Variants in ALOX15B observed in about 807,000 individuals in gnomAD.
ALOX15B encodes arachidonate 15-lipoxygenase type B, also known as polyunsaturated fatty acid lipoxygenase ALOX15B.
In ALOX15B, 74 loss-of-function variants were observed where a neutral mutation model predicts 73.8. The observed-to-expected ratio is 1.00, with a 90% confidence interval of 0.83 to 1.22. The LOEUF is 1.22. Among genes scored for constraint, ALOX15B ranks in the 50% most tolerant of loss-of-function variants. ALOX15B has a pLI of 0.00. For missense variants in ALOX15B, 896 were observed against 859.9 expected, an observed-to-expected ratio of 1.04 and a Z score of -0.52; for synonymous variants, 353 against 357.2, an observed-to-expected ratio of 0.99 and a Z score of 0.13.
chr17:8,045,085 C>T (rs1194001746), intron 6 of ALOX15B, 84 bp downstream of exon 6: 11 of 1,590,002 alleles, frequency 6.9e-6, no homozygotes, highest in Non-Finnish European at 9.4e-6. Flanking sequence ...GAGGGGCACA[C>T]TCACATTTGT....
chr17:8,039,193 C>T lies in ALOX15B; in HGVS notation c.38C>T (p.Ala13Val). Residue 13 changes from alanine (A) to valine (V), a missense_variant, in exon 1 of 14, where the codon GCC (alanine) becomes GTC (valine). Ala to Val is a moderately conservative substitution (Grantham distance 64). Coordinates refer to ENST00000380183, the MANE Select transcript of ALOX15B (RefSeq NM_001141.3). ...AGGGTCAGGGTGTCCACCGGAGAAG[C>T]CTTCGGGGCTGGCACATGGGACAAA... ...EFRVRVSTGE[A>V]FGAGTWDKVS... 3.7e-6 allele frequency: 6 copies of T among 1,613,210 alleles called. No individual in the cohort carries two copies. The highest frequency in any genetic ancestry group is 5.1e-6 in the Non-Finnish European group (6 of 1,179,604).
chr17:8,048,533 C>T lies in ALOX15B; in HGVS notation c.1999C>T (p.Pro667Ser), dbSNP rs535418281. The T allele has an allele frequency of 1.5e-5, 25 of 1,613,944 alleles. No homozygotes were observed. The South Asian group carries it at 2.5e-4, about 16-fold the overall frequency. Reference sequence around the variant, plus strand: ...GGTGCTGCCCTACACCTACCTAGACCCTCCCCTCATCGAGAACAGCGTCTC... The same window carrying T: ...GGTGCTGCCCTACACCTACCTAGACTCTCCCCTCATCGAGAACAGCGTCTC... ...GLVLPYTYLDPPLIENSVSI is the reference protein window; with the variant it reads ...GLVLPYTYLDSPLIENSVSI The change falls in exon 14 of 14, where the codon CCT becomes TCT. Residue 667 changes from proline to serine, a missense_variant. Physicochemically the swap from Pro to Ser is moderately conservative, Grantham distance 74. Transcript: ENST00000380183.
At chr17:8,045,068 G>T in intron 6 of ALOX15B, 67 bp downstream of exon 6, 1 of 1,595,836 alleles carries the variant, frequency 6.3e-7, no homozygotes, top group Non-Finnish European at 8.6e-7. Flanking sequence ...GTCCCCTACT[G>T]GAGACAGAGG....
rs1323756895 is a variant in ALOX15B at position 8,045,591 on chromosome 17, G to A, written c.1105G>A (p.Glu369Lys). 3 of 1,614,142 alleles carry A rather than the reference G, an allele frequency of 1.9e-6. No homozygotes were observed. The highest frequency in any genetic ancestry group is 1.1e-5 in the South Asian group (1 of 91,076). The part of the protein sequence containing the change: ...WVRNAEFSFH[E>K]ALTHLLHSHL... ...GCGCAATGCCGAGTTCTCCTTCCAT[G>A]AGGCCCTCACGCACCTGCTGCACTC... The change falls in exon 8 of 14, where the codon GAG becomes AAG. Residue 369 changes from glutamate to lysine, a missense_variant. By Grantham distance (56) the Glu-to-Lys change is moderately conservative. Transcript: ENST00000380183.
rs1423334842 is a variant in ALOX15B at position 8,045,734 on chromosome 17, C to T, written c.1200+48C>T. On this transcript the variant is annotated intron_variant, in intron 8 of 13. Coordinates refer to ENST00000380183, the MANE Select transcript of ALOX15B (RefSeq NM_001141.3). The stretch of plus-strand genomic sequence containing the variant: ...CCAGCCTGTGCCCATGCCTCTGTGC[C>T]TCTTCTAAGCAGCCTTTCCTCACAT... 1.9e-6 allele frequency: 3 copies of T among 1,588,954 alleles called. No homozygotes were observed. The Admixed American group carries it at 5.2e-5, about 27-fold the overall frequency.
In ALOX15B at chr17:8,047,636, C is replaced by T. The variant is rs759995694; in HGVS notation, c.1652C>T (p.Ala551Val). ...YVTMVIFTCS[A>V]KHAAVSAGQF... ...ACCATGGTGATATTCACCTGCTCCGCCAAGCATGCGGCTGTCAGTGCAGGG... is the reference window on the plus strand; with the variant it reads ...ACCATGGTGATATTCACCTGCTCCGTCAAGCATGCGGCTGTCAGTGCAGGG... The change falls in exon 12 of 14, where the codon GCC becomes GTC. Residue 551 changes from alanine to valine, a missense_variant. By Grantham distance (64) the Ala-to-Val change is moderately conservative. Transcript: ENST00000380183. The T allele has an allele frequency of 6.2e-7, 1 of 1,611,620 alleles. No homozygotes were observed. The highest frequency in any genetic ancestry group is 8.5e-7 in the Non-Finnish European group (1 of 1,178,892).
intron 3 of ALOX15B, among the ~76,000 whole-genome samples, chr17:8,040,635 G>GAAAGAAAGAAAGAAAGAAAT (rs1567969621): frequency 3.8e-5 from 5 of 131,060 alleles, no homozygotes; most frequent in African/African-American, 1.3e-4. Context: ...AAGAAAGAAA[G>GAAAGAAAGAAAGAAAGAAAT]AAAGAAAGAA....
At chr17:8,043,608 G>C (rs564464768) in intron 5 of ALOX15B, among the ~76,000 whole-genome samples, 1 of 152,300 alleles carries the variant, frequency 6.6e-6, no homozygotes, top group East Asian at 1.9e-4. Context: ...GCACTGCTGG[G>C]GGGCAAGAGA....
Position 8,047,634 on chromosome 17 carries a change from C to T in ALOX15B, c.1650C>T (p.Ser550=), listed in dbSNP as rs9898751. Residue 550 remains serine (S), a synonymous_variant, in exon 12 of 14, where the codon TCC becomes TCT. Coordinates refer to ENST00000380183, the MANE Select transcript of ALOX15B (RefSeq NM_001141.3). ...QYVTMVIFTC[S]AKHAAVSAGQ... ...TCACCATGGTGATATTCACCTGCTC[C>T]GCCAAGCATGCGGCTGTCAGTGCAG... The T allele has an allele frequency of 3.1e-6, 5 of 1,609,834 alleles. No homozygotes were observed. The highest frequency in any genetic ancestry group is 1.7e-4 in the Middle Eastern group (1 of 6,054).
rs1369496045 is a variant in ALOX15B at position 8,047,035 on chromosome 17, C to G, written c.1416C>G (p.Tyr472Ter). The change falls in exon 10 of 14, where the codon TAC (tyrosine) becomes TAG (stop). Residue 472 changes from tyrosine to a stop codon, truncating the protein, a stop_gained. Coordinates refer to ENST00000380183, the MANE Select transcript of ALOX15B (RefSeq NM_001141.3). LOFTEE classifies it high-confidence loss of function. ...GAGTTGAAGACATCCCAGGCTACTA[C>G]TACCGTGATGATGGGATGCAGATCT... is the stretch of plus-strand genomic sequence containing the variant. ...TRGVEDIPGY[Y>*]YRDDGMQIWG... is the part of the protein sequence containing the mutation. The G allele has an allele frequency of 1.2e-6, 2 of 1,613,914 alleles. No individual in the cohort carries two copies. Among genetic ancestry groups the G allele is most frequent in the African/African-American group, 2.7e-5 (2 of 74,898 alleles).
At position 8,039,474 on chromosome 17, in the gene ALOX15B, T is replaced by TG; in HGVS notation, c.240dup (p.Pro81AlafsTer84). The TG allele has an allele frequency of 1.3e-6, 2 of 1,595,282 alleles. No individual in the cohort carries two copies. Among genetic ancestry groups the TG allele is most frequent in the Middle Eastern group, 1.7e-4 (1 of 5,898 alleles). On this transcript the variant is annotated frameshift_variant, in exon 2 of 14. Coordinates refer to ENST00000380183, the MANE Select transcript of ALOX15B (RefSeq NM_001141.3). LOFTEE classifies it high-confidence loss of function. ...AAGGCGCCCCCAGTGCTGCCCCTGC[T>TG]GGGGCCCCTGGCCCCGGATGCCTGG... is the stretch of plus-strand genomic sequence containing the variant.
Position 8,048,744 on chromosome 17 carries a change from A to G in ALOX15B, c.*179A>G. The G allele has an allele frequency of 4.9e-6, 3 of 614,872 alleles. No individual in the cohort carries two copies. Among genetic ancestry groups the G allele is most frequent in the South Asian group, 3.0e-5 (1 of 32,876 alleles). 38.1% of individuals were successfully genotyped at this position (614,872 alleles called of 1,614,324 possible). ...CACACACAAAAACAGAAACAAAATC[A>G]AAACAGAGAAAGCAGAAAATCTACC... On this transcript the variant is annotated 3_prime_UTR_variant, in exon 14 of 14. Coordinates refer to ENST00000380183, the MANE Select transcript of ALOX15B (RefSeq NM_001141.3).
At position 8,047,276 on chromosome 17, in the gene ALOX15B, C is replaced by G. The variant is rs565302907; in HGVS notation, c.1476C>G (p.Ile492Met). The part of the protein sequence containing the change: ...GAVERFVSEI[I>M]GIYYPSDESV... ...ATTGCAGCTTTGTCTCTGAAATCATCGGTATCTACTACCCAAGTGATGAGT... is the reference window on the plus strand; with the variant it reads ...ATTGCAGCTTTGTCTCTGAAATCATGGGTATCTACTACCCAAGTGATGAGT... Residue 492 changes from isoleucine (I) to methionine (M), a missense_variant, in exon 11 of 14, where the codon ATC becomes ATG. Physicochemically the swap from Ile to Met is conservative, Grantham distance 10 (BLOSUM62 1). Transcript: ENST00000380183. 5 of 1,614,014 alleles carry G rather than the reference C, an allele frequency of 3.1e-6. No individual in the cohort carries two copies. The highest frequency in any genetic ancestry group is 4.2e-6 in the Non-Finnish European group (5 of 1,179,958).
chr17:8,040,122 A>C (rs1976398018), intron 3 of ALOX15B, 139 bp downstream of exon 3: 5 of 768,686 alleles, frequency 6.5e-6, no homozygotes, highest in Non-Finnish European at 1.0e-5. Context: ...CAGCGTCTAC[A>C]GGAACGTATT....
chr17:8,044,812 T>G lies in ALOX15B; in HGVS notation c.677-17T>G. ...GCATTTGAGTGACCCCGTTCCCCTGTCCCCCACCCCCTGCAGAGCACGCAT... is the reference window on the plus strand; with the variant it reads ...GCATTTGAGTGACCCCGTTCCCCTGGCCCCCACCCCCTGCAGAGCACGCAT... On this transcript the variant is annotated splice_polypyrimidine_tract_variant and intron_variant, in intron 5 of 13. Transcript: ENST00000380183. 1 of 1,446,124 alleles carries G rather than the reference T, an allele frequency of 6.9e-7. No homozygotes were observed. The allele number at this position is 1,446,124 out of a possible 1,614,324, so 89.6% of individuals were successfully genotyped here. A position where few individuals can be genotyped will look rare whatever the true frequency, so the allele number is the denominator to read the frequency against.
chr17:8,039,083 C>A lies in ALOX15B; in HGVS notation c.-73C>A. ...CAGTGGCAATAACCAGGGGCAATAA[C>A]CAGGCGTGTCCCAGGGGGGAGCCCC... On this transcript the variant is annotated 5_prime_UTR_variant, in exon 1 of 14. Coordinates refer to ENST00000380183, the MANE Select transcript of ALOX15B (RefSeq NM_001141.3). 7.2e-7 allele frequency: 1 copy of A among 1,397,536 alleles called. No homozygotes were observed. Among genetic ancestry groups the A allele is most frequent in the Admixed American group, 2.2e-5 (1 of 44,536 alleles). The allele number at this position is 1,397,536 out of a possible 1,614,324, so 86.6% of individuals were successfully genotyped here. A position where few individuals can be genotyped will look rare whatever the true frequency, so the allele number is the denominator to read the frequency against.
At chr17:8,047,432 C>T in intron 11 of ALOX15B, 53 bp downstream of exon 11, 1 of 1,608,724 alleles carries the variant, frequency 6.2e-7, no homozygotes, top group Non-Finnish European at 8.5e-7. Context: ...CCCCGTGTCC[C>T]CCACCCCCTG....
chr17:8,040,121 C>A, intron 3 of ALOX15B, 138 bp downstream of exon 3: 1 of 773,406 alleles, frequency 1.3e-6, no homozygotes, highest in South Asian at 1.9e-5. Flanking sequence ...GCAGCGTCTA[C>A]AGGAACGTAT....
rs778390272 is a variant in ALOX15B, at chr17:8,048,475, C to G, written c.1941C>G (p.Ile647Met). The G allele has an allele frequency of 6.2e-7, 1 of 1,614,144 alleles. No homozygotes were observed. The highest frequency in any genetic ancestry group is 8.5e-7 in the Non-Finnish European group (1 of 1,180,030). ...IATFQSRLAQ[I>M]SRGIQERNQG... ...CCTTCCAGAGCCGCCTGGCCCAGAT[C>G]TCGAGGGGCATCCAGGAGCGGAACC... Residue 647 changes from isoleucine to methionine, a missense_variant, in exon 14 of 14, where the codon ATC (isoleucine) becomes ATG (methionine). Coordinates refer to ENST00000380183, the MANE Select transcript of ALOX15B (RefSeq NM_001141.3).
Sources: gnomAD v4.1 joint callset for allele counts (sites outside exome capture counted in the v4.1 genomes callset) on GRCh38, gnomAD v4.1.1 for gene constraint, MANE v1.5 for transcripts, NCBI Gene and HGNC (gene_info 2026-07-23, HGNC 2026-07-21) for gene names.